TEX2: variants seen among roughly 807,000 people sequenced by gnomAD.
The protein encoded by TEX2 is testis-expressed protein 2.
Under a neutral mutation model 106.9 loss-of-function variants are expected in TEX2, and 53 were observed. The ratio of observed to expected loss-of-function variants is 0.50; its 90% CI spans 0.40 to 0.62. The LOEUF is 0.62. TEX2 is among the 20% of genes least tolerant of loss of function. TEX2 has a pLI of 0.00. For synonymous variants in TEX2, 523 were observed against 534.8 expected, an observed-to-expected ratio of 0.98 and a Z score of 0.30; for missense variants, 1,207 against 1,379.0, an observed-to-expected ratio of 0.88 and a Z score of 1.98.
At chr17:64,259,306 T>C (rs1429224771) in intron 1 of TEX2, among the ~76,000 whole-genome samples, 1 of 152,196 alleles carries the variant, frequency 6.6e-6, no homozygotes, top group African/African-American at 2.4e-5. Context: ...TAATGGTGCT[T>C]CATGGACATT....
chr17:64,152,498 G>A (rs1416231165), intron 10 of TEX2, among the ~76,000 whole-genome samples: 7 of 152,162 alleles, frequency 4.6e-5, no homozygotes, highest in Non-Finnish European at 1.0e-4. Context: ...GACTCTGTTG[G>A]ATGTGTGATC....
At chr17:64,181,549 G>A (rs887619057) in intron 5 of TEX2, among the ~76,000 whole-genome samples, 18 of 149,938 alleles carry the variant, frequency 1.2e-4, no homozygotes, top group Non-Finnish European at 1.6e-4. Flanking sequence ...AAGGAGTCTC[G>A]CTCTGTCGCC....
chr17:64,219,545 A>C (rs1555633047), intron 1 of TEX2, among the ~76,000 whole-genome samples: 6 of 149,096 alleles, frequency 4.0e-5, no homozygotes, highest in South Asian at 2.1e-4. Context: ...AATAAAATAA[A>C]ATAAAATATC....
At chr17:64,188,676 C>G (rs967581455) in intron 4 of TEX2, among the ~76,000 whole-genome samples, 3 of 151,802 alleles carry the variant, frequency 2.0e-5, no homozygotes, top group Admixed American at 6.6e-5. Flanking sequence ...ATTAGCCGGG[C>G]GTGGTGGTGG....
rs574228894 is a variant in TEX2 at position 64,216,865 on chromosome 17, G to A, written c.-25-2623C>T. ...CAGAGCTGAAGGTGGGCCCCAGGGA[G>A]AGCTGGGTGTCAGGTGGCCAGATGG... On this transcript the variant is annotated intron_variant, in intron 1 of 11. Transcript: ENST00000584379. Among the ~76,000 whole-genome samples the A allele has an allele frequency of 2.2e-4, 34 of 152,300 alleles. 1 individual carries two copies. The highest frequency in any genetic ancestry group is 7.2e-4 in the African/African-American group (30 of 41,556).
intron 6 of TEX2, among the ~76,000 whole-genome samples, chr17:64,172,934 T>C (rs982742679): frequency 6.6e-6 from 1 of 152,182 alleles, no homozygotes; most frequent in Admixed American, 6.5e-5. Context: ...AATTAATTCA[T>C]CTATATTTTC....
In TEX2 at chr17:64,217,920, A is replaced by G. The variant is rs912194839; in HGVS notation, c.-25-3678T>C. Among the ~76,000 whole-genome samples, 3 of 152,194 alleles carry G rather than the reference A, an allele frequency of 2.0e-5. No homozygotes were observed. The highest frequency in any genetic ancestry group is 7.2e-5 in the African/African-American group (3 of 41,434). ...AGAGGTGTTTAAGCAAAAGTCTGAC[A>G]TGATCAAAGTGGTACACAAAATTAA... On this transcript the variant is annotated intron_variant, in intron 1 of 11. Transcript: ENST00000584379. This position sits in a 1 kb window ranked among gnomAD's most constrained non-coding sequence, Gnocchi z 4.3.
At chr17:64,156,152 A>G (rs1291932715) in intron 8 of TEX2, 2 of 152,248 alleles carry the variant, frequency 1.3e-5, no homozygotes. Context: ...GACCAACAGG[A>G]GCCAAAGGCA....
chr17:64,234,441 G>A (rs1196944762), intron 1 of TEX2, among the ~76,000 whole-genome samples: 1 of 152,166 alleles, frequency 6.6e-6, no homozygotes. Context: ...AGCACTGTCT[G>A]CCAAAGCAAA....
chr17:64,161,131 C>T (rs926428570), intron 7 of TEX2, among the ~76,000 whole-genome samples, 198 bp from the exon 8 acceptor site: 1 of 152,110 alleles, frequency 6.6e-6, no homozygotes, highest in Non-Finnish European at 1.5e-5. Context: ...ACATCGAGCC[C>T]CTGGTAAACA....
At chr17:64,194,005 T>C (rs2032385720) in intron 3 of TEX2, 116 bp from the exon 4 acceptor site, 1 of 614,640 alleles carries the variant, frequency 1.6e-6, no homozygotes, top group African/African-American at 1.9e-5. Flanking sequence ...ATGATGAATA[T>C]GAAATAACTT....
chr17:64,168,387 G>T (rs906006568), intron 7 of TEX2, among the ~76,000 whole-genome samples: 4 of 152,130 alleles, frequency 2.6e-5, no homozygotes, highest in African/African-American at 9.7e-5. Flanking sequence ...TGTTACACAA[G>T]CAGGCAAGTC....
At chr17:64,261,153 C>T (rs1216338635) in intron 1 of TEX2, among the ~76,000 whole-genome samples, 1 of 152,096 alleles carries the variant, frequency 6.6e-6, no homozygotes, top group Non-Finnish European at 1.5e-5. Context: ...TTCCAGAAAA[C>T]AGAAGCATTT....
chr17:64,243,668 T>C (rs372707214), intron 1 of TEX2, among the ~76,000 whole-genome samples: 3 of 152,212 alleles, frequency 2.0e-5, no homozygotes, highest in Admixed American at 2.0e-4. Flanking sequence ...ACTTTGCATC[T>C]TATTTTAAAT....
At chr17:64,201,612 C>T (rs1217424588) in intron 2 of TEX2, among the ~76,000 whole-genome samples, 1 of 152,068 alleles carries the variant, frequency 6.6e-6, no homozygotes, top group Non-Finnish European at 1.5e-5. Flanking sequence ...TTCCTGACTC[C>T]AAGGTGTGGG....
chr17:64,216,510 G>C (rs2033190907), intron 1 of TEX2, among the ~76,000 whole-genome samples: 1 of 152,200 alleles, frequency 6.6e-6, no homozygotes, highest in Non-Finnish European at 1.5e-5. Flanking sequence ...AGTACAAAGT[G>C]CATGATTTTG....
chr17:64,175,117 A>G (rs1462033915), intron 6 of TEX2, among the ~76,000 whole-genome samples: 1 of 152,232 alleles, frequency 6.6e-6, no homozygotes, highest in Non-Finnish European at 1.5e-5. Context: ...CTTAAGGCTT[A>G]GTTCCTCCCA....
chr17:64,152,603 G>T (rs1234793049), intron 10 of TEX2, among the ~76,000 whole-genome samples: 5 of 152,204 alleles, frequency 3.3e-5, no homozygotes, highest in Non-Finnish European at 7.3e-5. Context: ...GCCAGGCAGA[G>T]AATAAAGGCG....
chr17:64,192,552 T>C (rs1199301147), intron 4 of TEX2, among the ~76,000 whole-genome samples: 1 of 152,222 alleles, frequency 6.6e-6, no homozygotes, highest in Non-Finnish European at 1.5e-5. Context: ...ACATTTCTGT[T>C]GTAAATCACC....
Sources: allele counts gnomAD v4.1 joint callset (sites outside exome capture counted in the v4.1 genomes callset), GRCh38; gene constraint gnomAD v4.1.1; non-coding constraint Gnocchi (gnomAD v3.1); transcripts MANE v1.5; gene names NCBI Gene and HGNC (gene_info 2026-07-23, HGNC 2026-07-21).